The following CALN1 variants were observed in gnomAD, a reference collection of about 807,000 sequenced individuals.
CALN1 encodes calcium-binding protein 8.
In CALN1, 17 loss-of-function variants were observed where a neutral mutation model predicts 30.6. The ratio of observed to expected loss-of-function variants is 0.56; its 90% CI spans 0.38 to 0.83. CALN1 has a LOEUF of 0.83. CALN1 is among the 40% of genes least tolerant of loss of function. CALN1 has a pLI of 0.00. For synonymous variants in CALN1, 156 were observed against 131.4 expected, an observed-to-expected ratio of 1.19 and a Z score of -1.28; for missense variants, 291 against 354.9, an observed-to-expected ratio of 0.82 and a Z score of 1.45.
At chr7:71,810,891 T>A (rs972238272) in intron 5 of CALN1, among the ~76,000 whole-genome samples, 1 of 148,832 alleles carries the variant, frequency 6.7e-6, no homozygotes, top group African/African-American at 2.5e-5. Flanking sequence ...GGTTTAAGCA[T>A]GTATCTTTTT....
chr7:72,050,384 G>A (rs1470722821), intron 4 of CALN1, among the ~76,000 whole-genome samples: 1 of 152,104 alleles, frequency 6.6e-6, no homozygotes, highest in Non-Finnish European at 1.5e-5. Flanking sequence ...AAAAAAGGCT[G>A]TACCTCTTAA....
intron 2 of CALN1, among the ~76,000 whole-genome samples, chr7:72,376,723 T>G (rs1290236641): frequency 6.6e-6 from 1 of 152,226 alleles, no homozygotes; most frequent in Non-Finnish European, 1.5e-5. Context: ...GAAATCCAAT[T>G]TATCTATTTC....
intron 4 of CALN1, among the ~76,000 whole-genome samples, chr7:72,044,396 A>G (rs562068202): frequency 6.6e-6 from 1 of 151,986 alleles, no homozygotes; most frequent in East Asian, 1.9e-4. Context: ...GAGATGGGGG[A>G]TGAGCAAGGC....
intron 3 of CALN1, among the ~76,000 whole-genome samples, chr7:72,196,765 T>G (rs1419487114): frequency 6.6e-6 from 1 of 152,192 alleles, no homozygotes; most frequent in Non-Finnish European, 1.5e-5. Context: ...TCAAACACCT[T>G]ACCTATGTAA....
intron 5 of CALN1, among the ~76,000 whole-genome samples, chr7:71,999,251 A>G (rs1187994105): frequency 2.0e-5 from 3 of 152,234 alleles, no homozygotes; most frequent in Non-Finnish European, 4.4e-5. Context: ...ACATTATATA[A>G]TAGTCAAAGG....
At chr7:72,316,820 G>A (rs1270258385) in intron 2 of CALN1, among the ~76,000 whole-genome samples, 3 of 151,676 alleles carry the variant, frequency 2.0e-5, no homozygotes, top group South Asian at 4.2e-4. Context: ...TGTCACATGC[G>A]TGTAGTCCCA....
At chr7:72,022,849 A>C (rs570947039) in intron 5 of CALN1, among the ~76,000 whole-genome samples, 68 of 151,890 alleles carry the variant, frequency 4.5e-4, no homozygotes, top group Non-Finnish European at 9.1e-4. Context: ...AGACACACCA[A>C]CTGCAACCCT....
At chr7:71,839,954 G>C (rs780739561) in intron 5 of CALN1, among the ~76,000 whole-genome samples, 11 of 152,114 alleles carry the variant, frequency 7.2e-5, no homozygotes, top group Non-Finnish European at 1.6e-4. Flanking sequence ...GCAGTGCCAC[G>C]GCTGTCTTTG....
At chr7:72,432,942 C>T (rs766080151) in intron 1 of CALN1, among the ~76,000 whole-genome samples, 3 of 152,186 alleles carry the variant, frequency 2.0e-5, no homozygotes, top group Non-Finnish European at 4.4e-5. Context: ...ATCTTCTAGA[C>T]AGCACATCAA....
chr7:71,830,102 G>A (rs888743355), intron 5 of CALN1, among the ~76,000 whole-genome samples: 11 of 150,886 alleles, frequency 7.3e-5, no homozygotes, highest in Admixed American at 7.3e-4. Flanking sequence ...GGGGTGCAAT[G>A]GCATGATCTT....
At chr7:72,083,302 A>C (rs1805273690) in intron 4 of CALN1, among the ~76,000 whole-genome samples, 1 of 152,248 alleles carries the variant, frequency 6.6e-6, no homozygotes, top group African/African-American at 2.4e-5. Flanking sequence ...ATTTAAAATA[A>C]GTATGATAAA....
At position 71,947,087 on chromosome 7, in the gene CALN1, T is replaced by C. The variant is rs192735617; in HGVS notation, c.501+76570A>G. On this transcript the variant is annotated intron_variant, in intron 5 of 6. Transcript: ENST00000395275. Reference sequence around the variant, plus strand: ...GTGAAGTGGCGTGATTTCGGCTCAATGCAACCTCTGACTCCCAGGTTCAAG... The same window carrying C: ...GTGAAGTGGCGTGATTTCGGCTCAACGCAACCTCTGACTCCCAGGTTCAAG... Among the ~76,000 whole-genome samples, 22 of 152,244 alleles carry C rather than the reference T, an allele frequency of 1.4e-4. No individual in the cohort carries two copies. The East Asian group carries it at 4.1e-3, about 28-fold the overall frequency.
intron 3 of CALN1, among the ~76,000 whole-genome samples, chr7:72,149,913 A>G (rs1217692585): frequency 6.6e-6 from 1 of 152,012 alleles, no homozygotes; most frequent in African/African-American, 2.4e-5. Context: ...CAGGAATTCG[A>G]GACCAGCCTG....
chr7:71,875,752 A>G lies in CALN1; in HGVS notation c.502-65260T>C, dbSNP rs541044550. Among the ~76,000 whole-genome samples, 3 of 147,052 alleles carry G rather than the reference A, an allele frequency of 2.0e-5. No individual in the cohort carries two copies. In the East Asian group the frequency reaches 5.8e-4, roughly 28 times the overall value. ...GGTAAGGGGGCCCAGCTAGGTTCTT[A>G]TACTACACACTAGACAGACTCAAAT... On this transcript the variant is annotated intron_variant, in intron 5 of 6. Coordinates refer to ENST00000395275, the MANE Select transcript of CALN1 (RefSeq NM_031468.4).
At chr7:71,978,262 C>CTATTTTTTTTTTTTTTTT (rs1173448154) in intron 5 of CALN1, among the ~76,000 whole-genome samples, 1 of 72,950 alleles carries the variant, frequency 1.4e-5, no homozygotes, top group African/African-American at 5.7e-5. Flanking sequence ...CTAGAGAATT[C>CTATTTTTTTTTTTTTTTT]TTTTTTTTTT....
intron 2 of CALN1, among the ~76,000 whole-genome samples, chr7:72,325,732 C>A (rs1585494388): frequency 1.3e-5 from 2 of 152,064 alleles, no homozygotes. Context: ...GAAAAGAAAA[C>A]CACCCATCTC....
At chr7:72,240,351 T>G (rs543221761) in intron 3 of CALN1, among the ~76,000 whole-genome samples, 59 of 152,218 alleles carry the variant, frequency 3.9e-4, no homozygotes, top group South Asian at 2.9e-3. Context: ...CGTGCCACCG[T>G]GCCAGGCTAG....
intron 3 of CALN1, among the ~76,000 whole-genome samples, chr7:72,261,655 T>C (rs1022585653): frequency 6.6e-6 from 1 of 152,162 alleles, no homozygotes; most frequent in Non-Finnish European, 1.5e-5. Context: ...CTCAAATTCC[T>C]GGGCTCAAGT....
intron 3 of CALN1, among the ~76,000 whole-genome samples, chr7:72,206,712 C>CA (rs1410033505): frequency 6.6e-6 from 1 of 152,108 alleles, no homozygotes; most frequent in Non-Finnish European, 1.5e-5. Flanking sequence ...CTGTTTTTAA[C>CA]TATGCCCTTT....
Sources: gnomAD v4.1 joint callset for allele counts (sites outside exome capture counted in the v4.1 genomes callset) on GRCh38, gnomAD v4.1.1 for gene constraint, MANE v1.5 for transcripts, NCBI Gene and HGNC (gene_info 2026-07-23, HGNC 2026-07-21) for gene names.